Variants in ALG14 observed in about 807,000 individuals in gnomAD.
ALG14 encodes UDP-N-acetylglucosamine transferase subunit ALG14.
In ALG14, 17 loss-of-function variants were observed where a neutral mutation model predicts 22.8. The ratio of observed to expected loss-of-function variants is 0.75; its 90% CI spans 0.51 to 1.12. The LOEUF is 1.12. ALG14 is among the 50% of genes most tolerant of loss of function. The probability of loss-of-function intolerance (pLI) is 0.00; values close to 1 mark genes in which losing one functional copy is unlikely to be tolerated. For missense variants in ALG14, 288 were observed against 271.8 expected, an observed-to-expected ratio of 1.06 and a Z score of -0.42; for synonymous variants, 89 against 103.7, an observed-to-expected ratio of 0.86 and a Z score of 0.86.
chr1:95,072,889 C>A lies in ALG14; in HGVS notation c.10G>T (p.Val4Phe). MVC[V>F]LVLAAAAGAV... ...CCTGCGGCCGCAGCTAGAACGAGAA[C>A]GCACACCATGCAGAGAAACGGCGCA... Residue 4 changes from valine (V) to phenylalanine (F), a missense_variant, in exon 1 of 4, where the codon GTT (valine) becomes TTT (phenylalanine). By Grantham distance (50) the Val-to-Phe change is conservative. Transcript: ENST00000370205. 2 of 1,614,022 alleles carry A rather than the reference C, an allele frequency of 1.2e-6. No homozygotes were observed. The highest frequency in any genetic ancestry group is 2.2e-5 in the East Asian group (1 of 44,866).
At chr1:95,061,793 G>C (rs1675161238) in intron 2 of ALG14, 1 of 152,156 alleles carries the variant, frequency 6.6e-6, no homozygotes, top group African/African-American at 2.4e-5. Flanking sequence ...CATTCTCTAG[G>C]TCTCCAAGCC....
rs866471595 is a variant in ALG14, at chr1:94,981,683, G to A, written c.*1393C>T. The A allele has an allele frequency of 7.6e-6, 1 of 131,666 alleles. No individual in the cohort carries two copies. The highest frequency in any genetic ancestry group is 2.8e-5 in the African/African-American group (1 of 35,248). The allele number at this position is 131,666 out of a possible 1,614,324, so 8.2% of individuals were successfully genotyped here. ...TCTTTTCTGTTTTTTATTTTGTTTT[G>A]TTTTTTTTTTTTTTGGCTGCTTTGT... On this transcript the variant is annotated 3_prime_UTR_variant, in exon 4 of 4. Coordinates refer to ENST00000370205, the MANE Select transcript of ALG14 (RefSeq NM_144988.4).
chr1:95,050,679 C>T (rs1008422703), intron 2 of ALG14, among the ~76,000 whole-genome samples: 1 of 152,156 alleles, frequency 6.6e-6, no homozygotes, highest in South Asian at 2.1e-4. Flanking sequence ...TTATTCCAGA[C>T]ACCTAAGGGC....
rs12562150 is a variant in ALG14 at position 95,030,456 on chromosome 1, G to C, written c.289-3196C>G. On this transcript the variant is annotated intron_variant, in intron 2 of 3. Coordinates refer to ENST00000370205, the MANE Select transcript of ALG14 (RefSeq NM_144988.4). ...AATAATTCAGTAGAATTCCATCATA[G>C]AAGTTTTTTTGGCTGTTACTTCCAC... Among the ~76,000 whole-genome samples the C allele has an allele frequency of 3.0e-3, 453 of 152,218 alleles. 14 individuals are homozygous for C. In the East Asian group the frequency reaches 0.063, roughly 21 times the overall value.
chr1:95,028,334 T>G (rs554743053), intron 2 of ALG14, among the ~76,000 whole-genome samples: 2 of 152,124 alleles, frequency 1.3e-5, no homozygotes, highest in African/African-American at 4.8e-5. Flanking sequence ...CAGCCTCCAG[T>G]AGCTGGGACC....
chr1:95,005,211 T>C (rs1164061452), intron 3 of ALG14, among the ~76,000 whole-genome samples: 2 of 152,218 alleles, frequency 1.3e-5, no homozygotes, highest in Non-Finnish European at 2.9e-5. Flanking sequence ...ATCGTTACTC[T>C]AGAAATAAGG....
chr1:95,034,386 G>C (rs1170952722), intron 2 of ALG14, among the ~76,000 whole-genome samples: 2 of 152,166 alleles, frequency 1.3e-5, no homozygotes, highest in Non-Finnish European at 1.5e-5. Flanking sequence ...TCACTGCTAC[G>C]ATCCCACTGC....
At chr1:95,013,274 T>C (rs1673417722) in intron 3 of ALG14, among the ~76,000 whole-genome samples, 1 of 152,156 alleles carries the variant, frequency 6.6e-6, no homozygotes, top group African/African-American at 2.4e-5. Flanking sequence ...CTATTGTTTA[T>C]TCACTTATCC....
chr1:94,983,459 G>T, intron 3 of ALG14, 153 bp from the exon 4 acceptor site: 1 of 667,622 alleles, frequency 1.5e-6, no homozygotes, highest in Non-Finnish European at 2.5e-6. Flanking sequence ...AACAGCGCAT[G>T]TTTAAGCCCA....
intron 2 of ALG14, among the ~76,000 whole-genome samples, chr1:95,048,808 T>C (rs61231950): frequency 0.079 from 11,993 of 152,070 alleles, 497 homozygotes; most frequent in African/African-American, 0.11. Flanking sequence ...TTTTTTTTCT[T>C]AGCTCTCCAC....
At chr1:95,052,017 A>C (rs1674767711) in intron 2 of ALG14, among the ~76,000 whole-genome samples, 1 of 152,226 alleles carries the variant, frequency 6.6e-6, no homozygotes, top group African/African-American at 2.4e-5. Flanking sequence ...TGTTTTATTT[A>C]CTACTGTATT....
intron 3 of ALG14, among the ~76,000 whole-genome samples, chr1:95,012,201 T>A (rs936695466): frequency 2.0e-5 from 3 of 152,250 alleles, no homozygotes; most frequent in African/African-American, 7.2e-5. Flanking sequence ...CTTTATAAAT[T>A]ACGCAGTCTC....
chr1:94,994,105 C>G (rs1003812181), intron 3 of ALG14, among the ~76,000 whole-genome samples: 1 of 152,210 alleles, frequency 6.6e-6, no homozygotes, highest in Non-Finnish European at 1.5e-5. Flanking sequence ...TGCTTAGCAT[C>G]GTCACTACAG....
intron 3 of ALG14, 68 bp downstream of exon 3, chr1:95,027,061 A>T (rs1673840695): frequency 6.4e-6 from 10 of 1,564,796 alleles, no homozygotes; most frequent in African/African-American, 1.4e-5. Context: ...AGAAAACAGT[A>T]TGTCCTGTTA....
At chr1:95,013,258 C>A (rs778100196) in intron 3 of ALG14, among the ~76,000 whole-genome samples, 18 of 151,852 alleles carry the variant, frequency 1.2e-4, no homozygotes, top group Non-Finnish European at 2.5e-4. Context: ...TGAAATTAAC[C>A]ATAAGCTATT....
chr1:95,005,694 G>C (rs1282501752), intron 3 of ALG14, among the ~76,000 whole-genome samples: 1 of 152,142 alleles, frequency 6.6e-6, no homozygotes, highest in Non-Finnish European at 1.5e-5. Flanking sequence ...AACAAAACTG[G>C]ACCCCGTCCT....
intron 2 of ALG14, among the ~76,000 whole-genome samples, chr1:95,051,347 C>A (rs1357671333): frequency 6.6e-6 from 1 of 152,284 alleles, no homozygotes; most frequent in South Asian, 2.1e-4. Context: ...CCTATCAGCT[C>A]TGACTTCAAA....
At position 95,019,056 on chromosome 1, in the gene ALG14, T is replaced by C. The variant is rs1034197850; in HGVS notation, c.420+8073A>G. Among the ~76,000 whole-genome samples, 7 of 152,232 alleles carry C rather than the reference T, an allele frequency of 4.6e-5. No individual in the cohort carries two copies. The East Asian group carries it at 1.3e-3, about 29-fold the overall frequency. ...CACAAACTGTCAGCCATAAACATAT[T>C]TTAAAAATTGCTTGTGTCAAAGATT... On this transcript the variant is annotated intron_variant, in intron 3 of 3. Coordinates refer to ENST00000370205, the MANE Select transcript of ALG14 (RefSeq NM_144988.4).
intron 2 of ALG14, among the ~76,000 whole-genome samples, chr1:95,041,179 CCTCCT>C (rs1674365444): frequency 6.6e-6 from 1 of 152,114 alleles, no homozygotes; most frequent in Non-Finnish European, 1.5e-5. Flanking sequence ...TTTAGACCGG[CCTCCT>C]TTCAAATTAG....
Sources: gnomAD v4.1 joint callset for allele counts (sites outside exome capture counted in the v4.1 genomes callset) on GRCh38, gnomAD v4.1.1 for gene constraint, MANE v1.5 for transcripts, NCBI Gene and HGNC (gene_info 2026-07-23, HGNC 2026-07-21) for gene names.